Variants in CIB1 observed in about 807,000 individuals in gnomAD.
The protein encoded by CIB1 is calcium and integrin-binding protein 1.
A neutral mutation model predicts 25.0 loss-of-function variants in CIB1; 19 were observed. That is an observed-to-expected ratio of 0.76 (90% CI 0.53 to 1.12). The LOEUF is 1.12. Ranked by LOEUF, CIB1 falls within the 50% of genes most tolerant of loss-of-function variation. CIB1 has a pLI of 0.00. For missense variants in CIB1, 236 were observed against 242.6 expected (o/e 0.97, Z 0.18); for synonymous variants, 104 against 98.5 (o/e 1.06, Z -0.33).
chr15:90,249,360 C>T, the CIB1 span, among the ~76,000 whole-genome samples: 1 of 152,112 alleles, frequency 6.6e-6, no homozygotes, highest in Non-Finnish European at 1.5e-5. Flanking sequence ...GGGAGGGCTG[C>T]AAGTCCCATG....
chr15:90,231,194 G>T lies in CIB1; in HGVS notation c.366C>A (p.Thr122=). The T allele has an allele frequency of 1.9e-6, 3 of 1,607,400 alleles. No individual in the cohort carries two copies. The highest frequency in any genetic ancestry group is 2.5e-6 in the Non-Finnish European group (3 of 1,178,422). The change falls in exon 5 of 7, where the codon ACC becomes ACA. Residue 122 remains threonine, a synonymous_variant. Transcript: ENST00000328649. ...FRIFDFDDDG[T]LNREDLSRLV... ...GCCGGCTCAGGTCTTCTCTGTTCAAGGTTCCGTCATCATCAAAGTCTAGAG... is the reference window on the plus strand; with the variant it reads ...GCCGGCTCAGGTCTTCTCTGTTCAATGTTCCGTCATCATCAAAGTCTAGAG...
chr15:90,265,389 G>C, the CIB1 span: 2 of 1,247,604 alleles, frequency 1.6e-6, no homozygotes, highest in Non-Finnish European at 2.0e-6. Context: ...CCGAGGTGGC[G>C]GAGACAGGCA....
chr15:90,242,951 A>G, the CIB1 span: 1 of 152,062 alleles, frequency 6.6e-6, no homozygotes, highest in Non-Finnish European at 1.5e-5. Flanking sequence ...AAGGGGAGAA[A>G]ATCTGGAATA....
chr15:90,256,545 TTTTC>T, the CIB1 span, among the ~76,000 whole-genome samples: 5,420 of 104,848 alleles, frequency 0.052, 137 homozygotes, highest in Middle Eastern at 0.086. Context: ...TCTCCTTCCT[TTTTC>T]TTTCTTTCTT....
At chr15:90,243,754 A>G in the CIB1 span, 41,632 of 146,178 alleles carry the variant, frequency 0.28, 6,674 homozygotes, top group East Asian at 0.69. Context: ...GGCTCAAACA[A>G]TACTCCCATC....
upstream of CIB1, among the ~76,000 whole-genome samples, chr15:90,235,728 C>A (rs961483294): frequency 6.6e-6 from 1 of 152,002 alleles, no homozygotes; most frequent in Non-Finnish European, 1.5e-5. Context: ...CCACCACACC[C>A]GGCTAATTTT....
the CIB1 span, among the ~76,000 whole-genome samples, chr15:90,253,807 G>C: frequency 6.6e-6 from 1 of 152,332 alleles, no homozygotes; most frequent in South Asian, 2.1e-4. Flanking sequence ...ATGATCCACC[G>C]GGGTCCACAA....
intron 3 of CIB1, 135 bp from the exon 4 acceptor site, chr15:90,231,642 G>T: frequency 9.7e-7 from 1 of 1,030,436 alleles, no homozygotes; most frequent in Non-Finnish European, 1.4e-6. Flanking sequence ...GTGCTTTGGG[G>T]CCAACATGGA....
At chr15:90,259,499 C>T in the CIB1 span, among the ~76,000 whole-genome samples, 1 of 152,270 alleles carries the variant, frequency 6.6e-6, no homozygotes, top group East Asian at 1.9e-4. Context: ...TCTCTGGAGC[C>T]AATCAACATT....
chr15:90,265,578 T>G, the CIB1 span: 1 of 1,401,930 alleles, frequency 7.1e-7, no homozygotes, highest in South Asian at 1.4e-5. Context: ...TGAGCCCAGA[T>G]CTTACCCCCA....
In CIB1 at chr15:90,231,773, GGAA is replaced by G. The variant is rs559645320; in HGVS notation, c.196-269_196-267del. ...ATACAACGTAAGTGTGGGCAGAGAG[GGAA>G]GAAGAAGTCATCCTAAACAAAGGGA... is the stretch of plus-strand genomic sequence containing the variant. On this transcript the variant is annotated intron_variant, in intron 3 of 6. Coordinates refer to ENST00000328649, the MANE Select transcript of CIB1 (RefSeq NM_006384.4). Among the ~76,000 whole-genome samples the G allele has an allele frequency of 8.2e-4, 125 of 152,298 alleles. 1 individual carries two copies. The highest frequency in any genetic ancestry group is 2.0e-3 in the African/African-American group (82 of 41,572).
the CIB1 span, among the ~76,000 whole-genome samples, chr15:90,251,174 C>A: frequency 7.6e-6 from 1 of 131,144 alleles, no homozygotes; most frequent in Non-Finnish European, 1.5e-5. Flanking sequence ...AGTACAGTGG[C>A]GTGATCTCGG....
At chr15:90,264,883 A>G in the CIB1 span, 3 of 1,536,124 alleles carry the variant, frequency 2.0e-6, no homozygotes, top group Non-Finnish European at 2.6e-6. Context: ...CTGAACACAG[A>G]GCAGCCAAGG....
the CIB1 span, chr15:90,265,394 C>T: frequency 9.6e-6 from 12 of 1,251,554 alleles, no homozygotes; most frequent in Non-Finnish European, 1.2e-5. Flanking sequence ...GTGGCGGAGA[C>T]AGGCAGGCCT....
the CIB1 span, chr15:90,262,147 C>G: frequency 6.5e-7 from 1 of 1,535,742 alleles, no homozygotes; most frequent in Non-Finnish European, 8.7e-7. Flanking sequence ...ATGGCTCCCT[C>G]TTCCAAGAGA....
the CIB1 span, chr15:90,256,355 T>C: frequency 6.2e-7 from 1 of 1,606,384 alleles, no homozygotes; most frequent in African/African-American, 1.3e-5. Context: ...GGCTGCCTCA[T>C]CTCTCCCAAA....
chr15:90,258,722 T>C, the CIB1 span: 2 of 1,609,100 alleles, frequency 1.2e-6, no homozygotes, highest in Non-Finnish European at 1.7e-6. Flanking sequence ...GAAAGGGGTG[T>C]ATAATGACTC....
chr15:90,238,680 T>C (rs1391828731), upstream of CIB1: 1 of 152,142 alleles, frequency 6.6e-6, no homozygotes, highest in South Asian at 2.1e-4. Flanking sequence ...AGGTTGGCCC[T>C]GGACACTTAC....
the CIB1 span, chr15:90,241,095 C>G: frequency 6.2e-7 from 1 of 1,614,182 alleles, no homozygotes; most frequent in Non-Finnish European, 8.5e-7. Context: ...TGATGCTGCA[C>G]TCTGCTCTGC....
Sources: gnomAD v4.1 joint callset for allele counts (sites outside exome capture counted in the v4.1 genomes callset) on GRCh38, gnomAD v4.1.1 for gene constraint, MANE v1.5 for transcripts, NCBI Gene and HGNC (gene_info 2026-07-23, HGNC 2026-07-21) for gene names.